GSTA1: variants seen among roughly 807,000 people sequenced by gnomAD.
The protein encoded by GSTA1 is glutathione S-transferase alpha 1.
Under a neutral mutation model 21.5 loss-of-function variants are expected in GSTA1, and 23 were observed. The ratio of observed to expected loss-of-function variants is 1.07; its 90% CI spans 0.77 to 1.52. GSTA1 has a LOEUF of 1.52. Ranked by LOEUF, GSTA1 falls within the 40% of genes most tolerant of loss-of-function variation. The pLI is 0.00. For missense variants in GSTA1, 301 were observed against 264.2 expected, an observed-to-expected ratio of 1.14 and a Z score of -0.96; for synonymous variants, 125 against 90.0, an observed-to-expected ratio of 1.39 and a Z score of -2.20.
rs770324820 is a variant in GSTA1 at position 52,794,215 on chromosome 6, A to T, written c.324T>A (p.Leu108=). 6.2e-7 allele frequency: 1 copy of T among 1,613,946 alleles called. No homozygotes were observed. Among genetic ancestry groups the T allele is most frequent in the East Asian group, 2.2e-5 (1 of 44,882 alleles). ...GIADLGEMIL[L]LPVCPPEEKD... is the part of the protein sequence containing the mutation. ...TTTCCTCAGGTGGACATACGGGCAG[A>T]AGGAGGATCATTTCACCCAAATCTG... is the stretch of plus-strand genomic sequence containing the variant. The change falls in exon 5 of 7, where the codon CTT becomes CTA. Residue 108 remains leucine (L), a synonymous_variant. Coordinates refer to ENST00000334575, the MANE Select transcript of GSTA1 (RefSeq NM_145740.5).
intron 4 of GSTA1, among the ~76,000 whole-genome samples, chr6:52,794,485 A>G (rs186127805): frequency 1.2e-3 from 180 of 152,330 alleles, no homozygotes; most frequent in African/African-American, 4.3e-3. Context: ...TGTTACACAC[A>G]TGACCTAATA....
At chr6:52,796,337 G>A (rs1561912599) in intron 3 of GSTA1, 23 bp from the exon 4 acceptor site, 3 of 1,613,610 alleles carry the variant, frequency 1.9e-6, no homozygotes, top group Non-Finnish European at 2.5e-6. Context: ...GAAAAAAAAG[G>A]AGAGTGAAGT....
intron 4 of GSTA1, among the ~76,000 whole-genome samples, chr6:52,794,993 G>T (rs1469712710): frequency 6.6e-6 from 1 of 152,126 alleles, no homozygotes; most frequent in Non-Finnish European, 1.5e-5. Flanking sequence ...TTGCCACCAG[G>T]TATATTATAC....
At chr6:52,797,705 C>T (rs1763623249) in intron 2 of GSTA1, 68 bp from the exon 3 acceptor site, 4 of 1,310,962 alleles carry the variant, frequency 3.1e-6, no homozygotes, top group South Asian at 1.2e-5. Flanking sequence ...CTTGAATGGC[C>T]CCATCTGGTG....
chr6:52,797,555 C>A, intron 3 of GSTA1, 31 bp downstream of exon 3: 2 of 1,567,950 alleles, frequency 1.3e-6, no homozygotes, highest in Non-Finnish European at 1.8e-6. Context: ...ACTAGATACC[C>A]TCATCAGAGG....
intron 1 of GSTA1, among the ~76,000 whole-genome samples, chr6:52,800,063 T>C (rs1366913490): frequency 1.3e-5 from 2 of 152,212 alleles, no homozygotes; most frequent in Non-Finnish European, 2.9e-5. Flanking sequence ...TCTAACTCTA[T>C]GGGGTGCATT....
Position 52,792,907 on chromosome 6 carries a change from G to A in GSTA1, c.495C>T (p.Tyr165=). The part of the protein sequence containing the change: ...RADIHLVELL[Y]YVEELDSSLI... ...GACTGGAGTCAAGCTCCTCGACGTAGTAGAGAAGTTCCACCAGATGAATGT... is the reference window on the plus strand; with the variant it reads ...GACTGGAGTCAAGCTCCTCGACGTAATAGAGAAGTTCCACCAGATGAATGT... Residue 165 remains tyrosine, a synonymous_variant, in exon 6 of 7, where the codon TAC becomes TAT. Transcript: ENST00000334575. 6.2e-7 allele frequency: 1 copy of A among 1,614,116 alleles called. No homozygotes were observed. Among genetic ancestry groups the A allele is most frequent in the Non-Finnish European group, 8.5e-7 (1 of 1,179,984 alleles).
At chr6:52,797,835 C>G (rs182852430) in intron 2 of GSTA1, among the ~76,000 whole-genome samples, 198 bp from the exon 3 acceptor site, 185 of 152,272 alleles carry the variant, frequency 1.2e-3, no homozygotes, top group African/African-American at 4.2e-3. Flanking sequence ...CAGCACATAG[C>G]TGCTAAATCT....
At position 52,796,543 on chromosome 6, in the gene GSTA1, A is replaced by ATATATTTT. The variant is rs1300549721; in HGVS notation, c.140-230_140-229insAAAATATA. ...TGTGTGTGTGTGTATATATATATATATTTTTTTTTTTTTTTTTTTTGGCAG... is the reference window on the plus strand; with the variant it reads ...TGTGTGTGTGTGTATATATATATATATATATTTTTTTTTTTTTTTTTTTTTTTTGGCAG... On this transcript the variant is annotated intron_variant, in intron 3 of 6. Transcript: ENST00000334575. Among the ~76,000 whole-genome samples, 44 of 23,746 alleles carry ATATATTTT rather than the reference A, an allele frequency of 1.9e-3. 3 individuals carry two copies. Among genetic ancestry groups the ATATATTTT allele is most frequent in the Non-Finnish European group, 3.7e-3 (35 of 9,370 alleles). 15.6% of individuals were successfully genotyped at this position (23,746 alleles called of 152,430 possible).
intron 2 of GSTA1, among the ~76,000 whole-genome samples, chr6:52,798,275 G>A (rs1198060469): frequency 6.7e-6 from 1 of 149,214 alleles, no homozygotes; most frequent in Non-Finnish European, 1.5e-5. Context: ...TTCTGATGTG[G>A]TTTTGTGGCA....
At chr6:52,800,036 C>G (rs1763677935) in intron 1 of GSTA1, among the ~76,000 whole-genome samples, 1 of 151,808 alleles carries the variant, frequency 6.6e-6, no homozygotes, top group South Asian at 2.1e-4. Flanking sequence ...ATCCCTGCAG[C>G]TTTTGTAATT....
In GSTA1 at chr6:52,796,543, A is replaced by ATATATATTTTTT. The variant is rs1300549721; in HGVS notation, c.140-230_140-229insAAAAAATATATA. On this transcript the variant is annotated intron_variant, in intron 3 of 6. Coordinates refer to ENST00000334575, the MANE Select transcript of GSTA1 (RefSeq NM_145740.5). ...TGTGTGTGTGTGTATATATATATAT[A>ATATATATTTTTT]TTTTTTTTTTTTTTTTTTTTGGCAG... 2.4e-3 allele frequency among the ~76,000 whole-genome samples: 56 copies of ATATATATTTTTT among 23,726 alleles called. 1 individual carries two copies. The highest frequency in any genetic ancestry group is 4.8e-3 in the Non-Finnish European group (45 of 9,358). 15.6% of individuals were successfully genotyped at this position (23,726 alleles called of 152,430 possible).
intron 1 of GSTA1, among the ~76,000 whole-genome samples, chr6:52,803,207 A>G (rs1381014603): frequency 6.6e-6 from 1 of 152,180 alleles, no homozygotes; most frequent in African/African-American, 2.4e-5. Flanking sequence ...GGGCAGCAAC[A>G]GTCGGAGCCT....
chr6:52,794,244 T>A lies in GSTA1; in HGVS notation c.295A>T (p.Ile99Leu). 1 of 1,613,562 alleles carries A rather than the reference T, an allele frequency of 6.2e-7. No homozygotes were observed. Among genetic ancestry groups the A allele is most frequent in the Non-Finnish European group, 8.5e-7 (1 of 1,179,486 alleles). ...RALIDMYIEG[I>L]ADLGEMILLL... ...AGGATCATTTCACCCAAATCTGCTA[T>A]ACCTTCTATATACATATCAATCCTG... The change falls in exon 5 of 7, where the codon ATA becomes TTA. Residue 99 changes from isoleucine to leucine, a missense_variant. By Grantham distance (5) the Ile-to-Leu change is conservative (BLOSUM62 2). Transcript: ENST00000334575.
intron 3 of GSTA1, among the ~76,000 whole-genome samples, chr6:52,796,538 TA>T (rs1763592736): frequency 3.6e-5 from 2 of 54,992 alleles, no homozygotes; most frequent in African/African-American, 1.1e-4. Flanking sequence ...TGTATATATA[TA>T]TATATTTTTT....
chr6:52,797,896 A>C (rs4715330), intron 2 of GSTA1, among the ~76,000 whole-genome samples: 1 of 152,202 alleles, frequency 6.6e-6, no homozygotes, highest in Non-Finnish European at 1.5e-5. Flanking sequence ...ATTAGGTCAT[A>C]TTTTGAGGGG....
rs367590266 is a variant in GSTA1 at position 52,797,630 on chromosome 6, T to C, written c.95A>G (p.Glu32Gly). The change falls in exon 3 of 7, where the codon GAG becomes GGG. Residue 32 changes from glutamate (E) to glycine (G), a missense_variant. Transcript: ENST00000334575. ...LLAAAGVEFE[E>G]KFIKSAEDLD... Reference sequence around the variant, plus strand: ...ATCTTCTGCAGATTTTATAAATTTCTCTTCAAACTGGAAGCAGAAACAGTA... The same window carrying C: ...ATCTTCTGCAGATTTTATAAATTTCCCTTCAAACTGGAAGCAGAAACAGTA... The C allele has an allele frequency of 1.2e-5, 19 of 1,606,908 alleles. No individual in the cohort carries two copies. The highest frequency in any genetic ancestry group is 1.6e-5 in the Non-Finnish European group (19 of 1,173,810).
intron 5 of GSTA1, 86 bp downstream of exon 5, chr6:52,794,039 A>G: frequency 6.6e-7 from 1 of 1,523,336 alleles, no homozygotes; most frequent in East Asian, 2.3e-5. Context: ...CTGAAAGTGA[A>G]GATCAGTGAC....
chr6:52,799,492 A>G (rs1483259769), intron 1 of GSTA1, among the ~76,000 whole-genome samples, 195 bp from the exon 2 acceptor site: 1 of 152,222 alleles, frequency 6.6e-6, no homozygotes, highest in African/African-American at 2.4e-5. Context: ...CCAGCAAACC[A>G]GTCTCAAGTC....
Sources: gnomAD v4.1 joint callset for allele counts (sites outside exome capture counted in the v4.1 genomes callset) on GRCh38, gnomAD v4.1.1 for gene constraint, MANE v1.5 for transcripts, NCBI Gene and HGNC (gene_info 2026-07-23, HGNC 2026-07-21) for gene names.